The following RANBP2 variants were observed in gnomAD, a reference collection of about 807,000 sequenced individuals.
RANBP2 encodes the protein RAN binding protein 2.
A neutral mutation model predicts 303.6 loss-of-function variants in RANBP2; 57 were observed. The ratio of observed to expected loss-of-function variants is 0.19; its 90% CI spans 0.15 to 0.23. RANBP2 has a LOEUF of 0.23. Ranked by LOEUF, RANBP2 falls within the 10% of genes least tolerant of loss-of-function variation. The probability of loss-of-function intolerance (pLI) is 1.00; values close to 1 mark genes in which losing one functional copy is unlikely to be tolerated. For synonymous variants in RANBP2, 1,167 were observed against 1,301.5 expected, an observed-to-expected ratio of 0.90 and a Z score of 2.23; for missense variants, 3,138 against 3,780.8, an observed-to-expected ratio of 0.83 and a Z score of 4.46.
the RANBP2 span, among the ~76,000 whole-genome samples, chr2:108,851,363 G>A: frequency 6.7e-4 from 102 of 152,170 alleles, no homozygotes; most frequent in African/African-American, 2.3e-3. Context: ...GTGCAATGGC[G>A]TGATCTTGGC....
the RANBP2 span, among the ~76,000 whole-genome samples, chr2:109,536,850 C>A: frequency 6.6e-6 from 1 of 152,164 alleles, no homozygotes; most frequent in African/African-American, 2.4e-5. Flanking sequence ...GATCTGATGG[C>A]TTTAAAAAGA....
chr2:109,493,284 G>A, the RANBP2 span, among the ~76,000 whole-genome samples: 1 of 123,696 alleles, frequency 8.1e-6, no homozygotes, highest in East Asian at 3.2e-4. Context: ...GTACACCATA[G>A]AAACACACAC....
chr2:109,138,577 G>A, the RANBP2 span, among the ~76,000 whole-genome samples: 1 of 152,182 alleles, frequency 6.6e-6, no homozygotes, highest in Non-Finnish European at 1.5e-5. Context: ...AGGGGTCAGG[G>A]CAGCCCCTGG....
chr2:109,016,366 C>T, the RANBP2 span, among the ~76,000 whole-genome samples: 4 of 152,162 alleles, frequency 2.6e-5, no homozygotes, highest in South Asian at 4.1e-4. Context: ...GGATTACAGG[C>T]GTGAGCCACC....
At chr2:108,748,466 C>T (rs1439203101) in intron 8 of RANBP2, among the ~76,000 whole-genome samples, 1 of 151,332 alleles carries the variant, frequency 6.6e-6, no homozygotes, top group Non-Finnish European at 1.5e-5. Flanking sequence ...CATTATCCAC[C>T]CAGCTTGGCC....
chr2:109,347,723 A>G, the RANBP2 span: 1 of 1,613,924 alleles, frequency 6.2e-7, no homozygotes, highest in Non-Finnish European at 8.5e-7. Context: ...TACGAGGGGA[A>G]GGAACCTGGT....
At chr2:109,133,919 G>A in the RANBP2 span, among the ~76,000 whole-genome samples, 62,538 of 151,976 alleles carry the variant, frequency 0.41, 14,666 homozygotes, top group Non-Finnish European at 0.54. Context: ...TGGTGGGTGT[G>A]GGTGACTTTG....
chr2:109,320,837 C>T, the RANBP2 span, among the ~76,000 whole-genome samples: 1 of 152,192 alleles, frequency 6.6e-6, no homozygotes, highest in South Asian at 2.1e-4. Context: ...ATGGAATGGC[C>T]ATGGATTCGG....
chr2:109,356,662 C>A, the RANBP2 span, among the ~76,000 whole-genome samples: 1 of 152,164 alleles, frequency 6.6e-6, no homozygotes, highest in Non-Finnish European at 1.5e-5. Flanking sequence ...GAGGAGCAAC[C>A]TGACCCTGCT....
the RANBP2 span, among the ~76,000 whole-genome samples, chr2:109,761,468 G>A: frequency 3.4e-5 from 5 of 148,758 alleles, no homozygotes. Flanking sequence ...GTATCCCTTT[G>A]TGCCACGCTC....
At chr2:109,394,817 G>C in the RANBP2 span, among the ~76,000 whole-genome samples, 1 of 152,230 alleles carries the variant, frequency 6.6e-6, no homozygotes, top group Non-Finnish European at 1.5e-5. Flanking sequence ...AGAGCCACCT[G>C]GCTTCCCTGC....
the RANBP2 span, among the ~76,000 whole-genome samples, chr2:109,599,090 T>G: frequency 6.6e-6 from 1 of 152,070 alleles, no homozygotes; most frequent in East Asian, 1.9e-4. Context: ...AAACAAGTAG[T>G]AACATTCAGT....
At chr2:109,314,182 G>T in the RANBP2 span, among the ~76,000 whole-genome samples, 4 of 152,152 alleles carry the variant, frequency 2.6e-5, no homozygotes, top group Admixed American at 2.0e-4. Flanking sequence ...GGAGACCAGC[G>T]GGTGGGTGTC....
the RANBP2 span, among the ~76,000 whole-genome samples, chr2:109,454,258 A>T: frequency 1.3e-5 from 2 of 152,194 alleles, no homozygotes; most frequent in African/African-American, 4.8e-5. Flanking sequence ...ATTTATAATT[A>T]CTTTGTCTAC....
At chr2:109,662,770 C>T in the RANBP2 span, among the ~76,000 whole-genome samples, 2 of 152,170 alleles carry the variant, frequency 1.3e-5, no homozygotes, top group African/African-American at 4.8e-5. Context: ...AAACCTAACT[C>T]CTCATTGGTA....
the RANBP2 span, among the ~76,000 whole-genome samples, chr2:109,347,171 C>T: frequency 2.0e-5 from 3 of 152,188 alleles, no homozygotes; most frequent in Non-Finnish European, 4.4e-5. Flanking sequence ...TGGATACTTG[C>T]TAGAAGTCTG....
chr2:108,952,025 A>G, the RANBP2 span, among the ~76,000 whole-genome samples: 3 of 152,238 alleles, frequency 2.0e-5, no homozygotes, highest in Non-Finnish European at 2.9e-5. Flanking sequence ...AAGCAAAAGC[A>G]TGTTTTATTT....
At chr2:109,004,441 C>A in the RANBP2 span, among the ~76,000 whole-genome samples, 1 of 152,344 alleles carries the variant, frequency 6.6e-6, no homozygotes, top group East Asian at 1.9e-4. Flanking sequence ...GAAGCAGACA[C>A]TCTGGGATGG....
At chr2:109,588,850 TAAAAA>T in the RANBP2 span, among the ~76,000 whole-genome samples, 5 of 111,448 alleles carry the variant, frequency 4.5e-5, no homozygotes, top group African/African-American at 1.8e-4. Flanking sequence ...CAATTACTAT[TAAAAA>T]AAAAAAAAAA....
Sources: allele counts gnomAD v4.1 joint callset (sites outside exome capture counted in the v4.1 genomes callset), GRCh38; gene constraint gnomAD v4.1.1; transcripts MANE v1.5; gene names NCBI Gene and HGNC (gene_info 2026-07-23, HGNC 2026-07-21).